The following CDH13 variants were observed in gnomAD, a reference collection of about 807,000 sequenced individuals.
The protein encoded by CDH13 is cadherin 13, also known as cadherin-13.
CDH13 carries 24 observed loss-of-function variants against 63.8 expected under a neutral mutation model. The ratio of observed to expected loss-of-function variants is 0.38; its 90% confidence interval spans 0.27 to 0.53. CDH13 has a LOEUF of 0.53. Among genes scored for constraint, CDH13 ranks in the 20% least tolerant of loss-of-function variants. CDH13 has a pLI of 0.85. For missense variants in CDH13, 1,049 were observed against 903.1 expected (o/e 1.16, Z -2.07); for synonymous variants, 503 against 355.3 (o/e 1.42, Z -4.67).
At chr16:83,144,056 G>C (rs1024913136) in intron 4 of CDH13, among the ~76,000 whole-genome samples, 1 of 152,082 alleles carries the variant, frequency 6.6e-6, no homozygotes, top group Non-Finnish European at 1.5e-5. Context: ...GATAAGGCTA[G>C]TAACACTCAC....
At chr16:82,941,548 G>C (rs1041499646) in intron 2 of CDH13, among the ~76,000 whole-genome samples, 8 of 152,120 alleles carry the variant, frequency 5.3e-5, no homozygotes, top group African/African-American at 1.9e-4. Flanking sequence ...TTTACATAAA[G>C]CATTGTGTGG....
chr16:83,095,015 C>T (rs2034124919), intron 3 of CDH13, among the ~76,000 whole-genome samples: 1 of 152,212 alleles, frequency 6.6e-6, no homozygotes, highest in African/African-American at 2.4e-5. Flanking sequence ...CTGCAGTCTG[C>T]AGTGCATTTC....
At chr16:83,019,377 C>G (rs1915123696) in intron 2 of CDH13, among the ~76,000 whole-genome samples, 1 of 152,076 alleles carries the variant, frequency 6.6e-6, no homozygotes, top group Admixed American at 6.6e-5. Context: ...CACATTTTGT[C>G]TCACTGAAAG....
chr16:83,611,493 A>G (rs1026605494), intron 8 of CDH13, among the ~76,000 whole-genome samples: 21 of 151,980 alleles, frequency 1.4e-4, no homozygotes, highest in Admixed American at 2.6e-4. Flanking sequence ...TTTCAAAGAA[A>G]CTACTTTTTG....
intron 7 of CDH13, among the ~76,000 whole-genome samples, chr16:83,497,739 A>G (rs2074180076): frequency 6.6e-6 from 1 of 152,228 alleles, no homozygotes; most frequent in South Asian, 2.1e-4. Flanking sequence ...GCTGGATTTG[A>G]CCAACGGGCC....
chr16:83,078,837 CG>C (rs2033036360), intron 3 of CDH13, among the ~76,000 whole-genome samples: 1 of 152,070 alleles, frequency 6.6e-6, no homozygotes, highest in South Asian at 2.1e-4. Flanking sequence ...GTTGTCAGCC[CG>C]GGCTGGAGTG....
Position 83,503,625 on chromosome 16 carries a change from A to G in CDH13, c.960+16970A>G, listed in dbSNP as rs142496373. On this transcript the variant is annotated intron_variant, in intron 7 of 13. Transcript: ENST00000567109. ...CTAGCCCACAAGCCACTTTTGTGCA[A>G]TAGGAAAAGATGCTTGACCAGTGAC... Among the ~76,000 whole-genome samples, 10 of 152,296 alleles carry G rather than the reference A, an allele frequency of 6.6e-5. No individual in the cohort carries two copies. The East Asian group carries it at 1.9e-3, about 29-fold the overall frequency.
chr16:83,762,689 C>G (rs1353934514), intron 11 of CDH13, among the ~76,000 whole-genome samples: 2 of 152,184 alleles, frequency 1.3e-5, no homozygotes, highest in Non-Finnish European at 2.9e-5. Flanking sequence ...TTGGCTCACT[C>G]ACTCCACGCT....
At chr16:82,933,796 AC>A (rs1204064185) in intron 2 of CDH13, among the ~76,000 whole-genome samples, 1 of 152,246 alleles carries the variant, frequency 6.6e-6, no homozygotes, top group East Asian at 1.9e-4. Flanking sequence ...CTGAAATCCA[AC>A]AAGGCAGTAA....
chr16:83,232,771 TA>T (rs1384278244), intron 5 of CDH13, among the ~76,000 whole-genome samples: 1 of 133,160 alleles, frequency 7.5e-6, no homozygotes, highest in Non-Finnish European at 1.6e-5. Flanking sequence ...CACTCTCGGG[TA>T]TTTTTTTATA....
rs578240013 is a variant in CDH13 at position 83,045,932 on chromosome 16, T to A, written c.366+13714T>A. Among the ~76,000 whole-genome samples the A allele has an allele frequency of 3.3e-5, 5 of 152,336 alleles. No individual in the cohort carries two copies. The South Asian group carries it at 8.3e-4, about 25-fold the overall frequency. The stretch of plus-strand genomic sequence containing the variant: ...TATTTGGCCCTAGCCAAATACATCC[T>A]CCAGTCTACCCATGTTGGGCAGATG... On this transcript the variant is annotated intron_variant, in intron 3 of 13. Coordinates refer to ENST00000567109, the MANE Select transcript of CDH13 (RefSeq NM_001257.5).
intron 7 of CDH13, among the ~76,000 whole-genome samples, chr16:83,502,024 C>T (rs1204272929): frequency 6.6e-6 from 1 of 152,166 alleles, no homozygotes; most frequent in Non-Finnish European, 1.5e-5. Context: ...TTGGGCAAGT[C>T]ACCTCACCTA....
chr16:83,650,442 A>T lies in CDH13; in HGVS notation c.1102-20348A>T, dbSNP rs1218253443. Reference sequence around the variant, plus strand: ...TGAATCTATGACCAAATAAGTGATAACTCTTGTCCTAGGGGAGCTTGTGGG... The same window carrying T: ...TGAATCTATGACCAAATAAGTGATATCTCTTGTCCTAGGGGAGCTTGTGGG... On this transcript the variant is annotated intron_variant, in intron 8 of 13. Transcript: ENST00000567109. 3.3e-5 allele frequency among the ~76,000 whole-genome samples: 5 copies of T among 152,092 alleles called. No individual in the cohort carries two copies. The East Asian group carries it at 9.6e-4, about 29-fold the overall frequency.
chr16:83,563,487 T>C (rs2075742801), intron 7 of CDH13, among the ~76,000 whole-genome samples: 1 of 152,236 alleles, frequency 6.6e-6, no homozygotes. Context: ...TGGTTTGAGA[T>C]GTTCAGAATT....
At chr16:83,348,035 C>G (rs2090875550) in intron 6 of CDH13, among the ~76,000 whole-genome samples, 2 of 152,024 alleles carry the variant, frequency 1.3e-5, no homozygotes, top group South Asian at 2.1e-4. Context: ...ACGAAAAAAA[C>G]AAAAATTAGC....
chr16:83,397,661 A>G (rs1253509255), intron 6 of CDH13, among the ~76,000 whole-genome samples: 2 of 152,144 alleles, frequency 1.3e-5, no homozygotes, highest in Non-Finnish European at 2.9e-5. Flanking sequence ...TGCTTATTTG[A>G]TAAGTTATCG....
At chr16:83,291,488 G>A (rs549941223) in intron 5 of CDH13, among the ~76,000 whole-genome samples, 7 of 152,218 alleles carry the variant, frequency 4.6e-5, no homozygotes, top group Admixed American at 3.9e-4. Context: ...TCATCATTAG[G>A]CAGCGTAGTT....
chr16:83,095,293 A>G (rs1056117173), intron 3 of CDH13, among the ~76,000 whole-genome samples: 2 of 152,206 alleles, frequency 1.3e-5, no homozygotes, highest in African/African-American at 4.8e-5. Context: ...GTCCACTGGT[A>G]TATCAACATG....
chr16:83,053,953 G>T (rs959321918), intron 3 of CDH13, among the ~76,000 whole-genome samples: 1 of 152,136 alleles, frequency 6.6e-6, no homozygotes, highest in Non-Finnish European at 1.5e-5. Flanking sequence ...CATATGTGAT[G>T]GTGATCTCAT....
Sources: gnomAD v4.1 joint callset for allele counts (sites outside exome capture counted in the v4.1 genomes callset) on GRCh38, gnomAD v4.1.1 for gene constraint, MANE v1.5 for transcripts, NCBI Gene and HGNC (gene_info 2026-07-23, HGNC 2026-07-21) for gene names.